IQCM: variants seen among roughly 807,000 people sequenced by gnomAD.
The protein encoded by IQCM is IQ domain-containing protein M.
Under a neutral mutation model 57.6 loss-of-function variants are expected in IQCM, and 45 were observed. The observed-to-expected ratio is 0.78, with a 90% CI of 0.62 to 1.00. The LOEUF (loss-of-function observed/expected upper bound fraction) is 1.00, where lower values mean the gene tolerates loss of function less well. Ranked by LOEUF, IQCM falls within the 50% of genes least tolerant of loss-of-function variation. The pLI is 0.00. For missense variants in IQCM, 468 were observed against 511.6 expected (o/e 0.91, Z 0.82); for synonymous variants, 148 against 158.9 (o/e 0.93, Z 0.51).
chr4:149,741,687 C>T (rs545399749), intron 3 of IQCM, among the ~76,000 whole-genome samples: 11 of 152,174 alleles, frequency 7.2e-5, no homozygotes, highest in South Asian at 6.2e-4. Context: ...GCTCTATGTG[C>T]GGCACTATAT....
At chr4:149,614,431 G>A (rs1455531418) in intron 8 of IQCM, among the ~76,000 whole-genome samples, 1 of 152,096 alleles carries the variant, frequency 6.6e-6, no homozygotes, top group Non-Finnish European at 1.5e-5. Flanking sequence ...CCTCTAGCAT[G>A]CTGTGCTTTT....
intron 12 of IQCM, among the ~76,000 whole-genome samples, chr4:149,541,111 T>C (rs1371548337): frequency 6.6e-6 from 1 of 152,112 alleles, no homozygotes; most frequent in African/African-American, 2.4e-5. Flanking sequence ...AAAATCACTA[T>C]ATGTTTCCCA....
At chr4:149,440,366 T>C (rs1047402601) in intron 12 of IQCM, among the ~76,000 whole-genome samples, 1 of 152,012 alleles carries the variant, frequency 6.6e-6, no homozygotes, top group African/African-American at 2.4e-5. Context: ...TCTATATCCT[T>C]AAGGGGCAGA....
intron 2 of IQCM, among the ~76,000 whole-genome samples, chr4:149,773,223 G>A (rs1484210425): frequency 6.6e-6 from 1 of 151,988 alleles, no homozygotes; most frequent in Non-Finnish European, 1.5e-5. Flanking sequence ...ATGGTGACGG[G>A]CGCCTGTAGT....
At chr4:149,574,460 G>C (rs535060389) in intron 9 of IQCM, among the ~76,000 whole-genome samples, 3 of 152,048 alleles carry the variant, frequency 2.0e-5, no homozygotes, top group African/African-American at 4.8e-5. Flanking sequence ...CTAAGAATGA[G>C]AGAAAGAACA....
At chr4:149,592,610 A>T (rs1753310545) in intron 8 of IQCM, among the ~76,000 whole-genome samples, 1 of 151,670 alleles carries the variant, frequency 6.6e-6, no homozygotes, top group South Asian at 2.1e-4. Context: ...TTAAGTCTTT[A>T]ATCCATCTTG....
intron 10 of IQCM, among the ~76,000 whole-genome samples, chr4:149,563,055 T>A (rs989063139): frequency 1.3e-5 from 2 of 152,178 alleles, no homozygotes; most frequent in African/African-American, 4.8e-5. Context: ...CCACTTAGGT[T>A]CATCTGCATT....
chr4:149,464,070 A>G (rs1227090877), intron 12 of IQCM, among the ~76,000 whole-genome samples: 1 of 152,172 alleles, frequency 6.6e-6, no homozygotes, highest in East Asian at 1.9e-4. Context: ...CACAGGTAGA[A>G]TTATAAAGCT....
intron 13 of IQCM, among the ~76,000 whole-genome samples, chr4:149,414,061 T>A (rs1733577289): frequency 6.6e-6 from 1 of 152,226 alleles, no homozygotes; most frequent in African/African-American, 2.4e-5. Context: ...AGTGGTTTTT[T>A]AAAATGCACA....
intron 12 of IQCM, among the ~76,000 whole-genome samples, chr4:149,449,379 T>A (rs1361810838): frequency 3.4e-5 from 5 of 145,940 alleles, no homozygotes; most frequent in Non-Finnish European, 7.5e-5. Flanking sequence ...TATTATATAT[T>A]ATATATATAA....
chr4:149,730,638 G>A (rs911011497), intron 5 of IQCM, among the ~76,000 whole-genome samples: 2 of 152,238 alleles, frequency 1.3e-5, no homozygotes, highest in Non-Finnish European at 1.5e-5. Context: ...TCTCTTTTGA[G>A]TTAACACTTA....
Position 149,573,939 on chromosome 4 carries a change from G to A in IQCM, c.750-10049C>T, listed in dbSNP as rs1751399123. 2.0e-5 allele frequency among the ~76,000 whole-genome samples: 3 copies of A among 151,888 alleles called. 1 individual carries two copies. The highest frequency in any genetic ancestry group is 2.0e-4 in the Admixed American group (3 of 15,196). ...ATTATGTCATGACAACAGAAACGTT[G>A]GTATTGACAATAGCCAATCCTCAAT... On this transcript the variant is annotated intron_variant, in intron 9 of 13. Coordinates refer to ENST00000636793, the MANE Select transcript of IQCM (RefSeq NM_001363507.2).
At chr4:149,804,410 T>C (rs1420567972) in intron 2 of IQCM, among the ~76,000 whole-genome samples, 5 of 152,056 alleles carry the variant, frequency 3.3e-5, no homozygotes, top group Non-Finnish European at 7.4e-5. Flanking sequence ...TTCCAGGTTC[T>C]AGCAGCAGTT....
chr4:149,462,996 T>C (rs939293358), intron 12 of IQCM, among the ~76,000 whole-genome samples: 32 of 152,238 alleles, frequency 2.1e-4, no homozygotes, highest in Admixed American at 2.1e-3. Flanking sequence ...TATCCGTTTG[T>C]TGTGGGGTAT....
intron 12 of IQCM, among the ~76,000 whole-genome samples, chr4:149,478,210 G>A (rs1356139069): frequency 6.6e-6 from 1 of 152,138 alleles, no homozygotes; most frequent in African/African-American, 2.4e-5. Context: ...AGGCCGGTGT[G>A]ACTTGAAATA....
intron 2 of IQCM, among the ~76,000 whole-genome samples, chr4:149,809,940 T>A (rs1165424026): frequency 6.6e-6 from 1 of 152,212 alleles, no homozygotes; most frequent in Non-Finnish European, 1.5e-5. Flanking sequence ...CTCAGTTATC[T>A]CTTTTCCTTA....
At chr4:149,541,425 C>T (rs1186633408) in intron 12 of IQCM, among the ~76,000 whole-genome samples, 2 of 151,894 alleles carry the variant, frequency 1.3e-5, no homozygotes, top group Non-Finnish European at 2.9e-5. Context: ...ATCTTAATTG[C>T]AGAAAATGAA....
intron 10 of IQCM, among the ~76,000 whole-genome samples, chr4:149,557,063 A>G (rs1311387297): frequency 6.6e-6 from 1 of 152,226 alleles, no homozygotes; most frequent in Non-Finnish European, 1.5e-5. Flanking sequence ...GAAAAATATT[A>G]AATAGCAGCT....
At chr4:149,425,141 T>G (rs1734377305) in intron 13 of IQCM, among the ~76,000 whole-genome samples, 1 of 152,032 alleles carries the variant, frequency 6.6e-6, no homozygotes, top group African/African-American at 2.4e-5. Context: ...AAAATGCACA[T>G]AAAATGTATA....
Sources: allele counts gnomAD v4.1 joint callset (sites outside exome capture counted in the v4.1 genomes callset), GRCh38; gene constraint gnomAD v4.1.1; transcripts MANE v1.5; gene names NCBI Gene and HGNC (gene_info 2026-07-23, HGNC 2026-07-21).